The following CLIP2 variants were observed in gnomAD, a reference collection of about 807,000 sequenced individuals.
CLIP2 encodes the protein CAP-Gly domain-containing linker protein 2.
A neutral mutation model predicts 111.7 loss-of-function variants in CLIP2; 41 were observed. The ratio of observed to expected loss-of-function variants is 0.37; its 90% CI spans 0.29 to 0.48. The LOEUF (loss-of-function observed/expected upper bound fraction) is 0.48. Among genes scored for constraint, CLIP2 ranks in the 20% least tolerant of loss-of-function variants. The pLI is 0.99. For synonymous variants in CLIP2, 660 were observed against 644.2 expected, an observed-to-expected ratio of 1.02 and a Z score of -0.37; for missense variants, 1,160 against 1,422.1, an observed-to-expected ratio of 0.82 and a Z score of 2.96.
intron 3 of CLIP2, among the ~76,000 whole-genome samples, chr7:74,340,574 G>A (rs1789631030): frequency 6.6e-6 from 1 of 152,126 alleles, no homozygotes; most frequent in Non-Finnish European, 1.5e-5. Flanking sequence ...CCCAGCTGTT[G>A]GGGCCAGGTT....
rs1791748729 is a variant in CLIP2 at position 74,405,480 on chromosome 7, C to G, written c.*1632C>G. The G allele has an allele frequency of 6.5e-6, 1 of 152,952 alleles. No homozygotes were observed. Among genetic ancestry groups the G allele is most frequent in the South Asian group, 2.1e-4 (1 of 4,836 alleles). The allele number at this position is 152,952 out of a possible 1,614,324, so 9.5% of individuals were successfully genotyped here. On this transcript the variant is annotated 3_prime_UTR_variant, in exon 17 of 17. Coordinates refer to ENST00000223398, the MANE Select transcript of CLIP2 (RefSeq NM_003388.5). ...GCTCACGTTCCTGCCCAAATGCAGC[C>G]CATCGGGGAGTCACAGTCAGTCCCC... is the stretch of plus-strand genomic sequence containing the variant.
intron 1 of CLIP2, among the ~76,000 whole-genome samples, chr7:74,306,073 G>A (rs1222537438): frequency 6.6e-6 from 1 of 152,114 alleles, no homozygotes; most frequent in Non-Finnish European, 1.5e-5. Flanking sequence ...AGATCCTTGG[G>A]TGTTGGGTGG....
chr7:74,398,096 C>T (rs1270565764), intron 14 of CLIP2, among the ~76,000 whole-genome samples: 2 of 151,636 alleles, frequency 1.3e-5, no homozygotes, highest in Admixed American at 6.6e-5. Context: ...CAATGGCTCA[C>T]ACCTGTAATC....
chr7:74,356,418 A>G lies in CLIP2; in HGVS notation c.812A>G (p.Gln271Arg). The stretch of plus-strand genomic sequence containing the variant: ...CTCTCCTGCTTCCACAGGTACTTCC[A>G]GTGCCCACCCAAGTTTGGTCTCTTC... ...DGAVAGTRYF[Q>R]CPPKFGLFAP... The change falls in exon 5 of 17, where the codon CAG becomes CGG. Residue 271 changes from glutamine to arginine, a missense_variant. Coordinates refer to ENST00000223398, the MANE Select transcript of CLIP2 (RefSeq NM_003388.5). The G allele has an allele frequency of 6.2e-7, 1 of 1,614,164 alleles. No homozygotes were observed. The highest frequency in any genetic ancestry group is 8.5e-7 in the Non-Finnish European group (1 of 1,180,028).
At chr7:74,309,826 CAAAA>C (rs34735020) in intron 1 of CLIP2, among the ~76,000 whole-genome samples, 2 of 128,090 alleles carry the variant, frequency 1.6e-5, no homozygotes, top group Non-Finnish European at 3.2e-5. Flanking sequence ...GACTCCATCT[CAAAA>C]AAAAAAAAAA....
intron 2 of CLIP2, among the ~76,000 whole-genome samples, chr7:74,324,126 G>A (rs1789049830): frequency 6.6e-6 from 1 of 152,116 alleles, no homozygotes; most frequent in Non-Finnish European, 1.5e-5. Context: ...CCAAGTAGCT[G>A]GGATTACAGG....
intron 5 of CLIP2, 151 bp downstream of exon 5, chr7:74,356,774 G>C: frequency 1.4e-6 from 1 of 711,266 alleles, no homozygotes; most frequent in Non-Finnish European, 2.3e-6. Flanking sequence ...CTTTTAATAG[G>C]GAAAATTGAG....
intron 1 of CLIP2, among the ~76,000 whole-genome samples, chr7:74,308,632 G>A (rs1788558791): frequency 6.6e-6 from 1 of 152,044 alleles, no homozygotes; most frequent in Non-Finnish European, 1.5e-5. Context: ...CACCTCCCAA[G>A]TAGCTGGAAC....
chr7:74,311,257 G>C (rs782037078), intron 1 of CLIP2, among the ~76,000 whole-genome samples: 1 of 152,184 alleles, frequency 6.6e-6, no homozygotes, highest in Non-Finnish European at 1.5e-5. Flanking sequence ...GGGATTACAG[G>C]CATGAGCCAC....
intron 1 of CLIP2, among the ~76,000 whole-genome samples, chr7:74,303,731 G>A (rs1398292434): frequency 2.0e-5 from 3 of 151,478 alleles, no homozygotes; most frequent in African/African-American, 7.3e-5. Context: ...GGCCAACATG[G>A]TGAAACCCCG....
chr7:74,372,956 C>G lies in CLIP2; in HGVS notation c.1405C>G (p.Arg469Gly). Residue 469 changes from arginine (R) to glycine (G), a missense_variant, in exon 9 of 17, where the codon CGC (arginine) becomes GGC (glycine). Arg to Gly is a moderately radical substitution (Grantham distance 125, BLOSUM62 -2). Coordinates refer to ENST00000223398, the MANE Select transcript of CLIP2 (RefSeq NM_003388.5). Reference protein sequence around the residue: ...LETQTQLEHARIGELEQSLLL... With the variant: ...LETQTQLEHAGIGELEQSLLL... ...GACCCAGACGCAGCTGGAGCACGCG[C>G]GCATTGGGGAGCTGGAACAGAGCCT... 6.3e-7 allele frequency: 1 copy of G among 1,593,396 alleles called. No homozygotes were observed. The highest frequency in any genetic ancestry group is 8.5e-7 in the Non-Finnish European group (1 of 1,173,082).
At chr7:74,291,663 G>A (rs1788023356) in intron 1 of CLIP2, among the ~76,000 whole-genome samples, 1 of 152,210 alleles carries the variant, frequency 6.6e-6, no homozygotes, top group Admixed American at 6.5e-5. Context: ...ACACGTTTCA[G>A]GGAGAGGAGG....
chr7:74,333,991 A>G (rs1789374669), intron 2 of CLIP2, among the ~76,000 whole-genome samples: 2 of 152,192 alleles, frequency 1.3e-5, no homozygotes, highest in African/African-American at 4.8e-5. Flanking sequence ...TCGTATATAC[A>G]TTGGCTCCCC....
chr7:74,376,076 G>C lies in CLIP2; in HGVS notation c.1675G>C (p.Glu559Gln). ...LLSASKEHQR[E>Q]SGVLRDKYEK... ...CTCGGCCAGCAAGGAACACCAGAGG[G>C]AGAGTGGGGTGCTGCGGGATAAATA... Residue 559 changes from glutamate (E) to glutamine (Q), a missense_variant, in exon 10 of 17, where the codon GAG becomes CAG. This residue lies in a region of CLIP2 where 676 missense variants were observed against 777.8 expected (regional missense o/e 0.87). Coordinates refer to ENST00000223398, the MANE Select transcript of CLIP2 (RefSeq NM_003388.5). This position sits in a 1 kb window ranked among gnomAD's most constrained non-coding sequence, Gnocchi z 7.1. The C allele has an allele frequency of 1.2e-6, 2 of 1,612,918 alleles. No homozygotes were observed. The highest frequency in any genetic ancestry group is 1.7e-6 in the Non-Finnish European group (2 of 1,179,852).
intron 1 of CLIP2, among the ~76,000 whole-genome samples, chr7:74,310,032 T>A: frequency 1.7e-5 from 1 of 57,166 alleles, no homozygotes; most frequent in Non-Finnish European, 3.1e-5. Flanking sequence ...AGACCCTGTC[T>A]CTACAAAAAA....
chr7:74,365,384 G>A (rs1790450569), intron 8 of CLIP2, among the ~76,000 whole-genome samples: 1 of 152,162 alleles, frequency 6.6e-6, no homozygotes, highest in Non-Finnish European at 1.5e-5. Context: ...GCCCATCCAT[G>A]TGCCCCTTAC....
chr7:74,351,426 C>CAA (rs55952428), intron 3 of CLIP2, among the ~76,000 whole-genome samples: 262 of 65,676 alleles, frequency 4.0e-3, no homozygotes, highest in South Asian at 0.013. Flanking sequence ...ATTCCAGTGT[C>CAA]AAAAAAAAAA....
Position 74,397,119 on chromosome 7 carries a change from C to T in CLIP2, c.2766C>T (p.His922=). 1 of 1,613,876 alleles carries T rather than the reference C, an allele frequency of 6.2e-7. No individual in the cohort carries two copies. Among genetic ancestry groups the T allele is most frequent in the Non-Finnish European group, 8.5e-7 (1 of 1,179,950 alleles). ...LRVLLLEANR[H]SPGPERDLSR... is the part of the protein sequence containing the mutation. The stretch of plus-strand genomic sequence containing the variant: ...TGTTGCTGCTGGAGGCCAATCGTCA[C>T]TCCCCAGGGCCGGAGAGGGACCTGA... The change falls in exon 14 of 17, where the codon CAC becomes CAT. Residue 922 remains histidine (H), a synonymous_variant. Coordinates refer to ENST00000223398, the MANE Select transcript of CLIP2 (RefSeq NM_003388.5).
At chr7:74,300,790 C>T (rs114756308) in intron 1 of CLIP2, among the ~76,000 whole-genome samples, 61 of 152,274 alleles carry the variant, frequency 4.0e-4, no homozygotes, top group African/African-American at 1.4e-3. Flanking sequence ...AGTGGCATTC[C>T]GTGGTAGACA....
Sources: gnomAD v4.1 joint callset for allele counts (sites outside exome capture counted in the v4.1 genomes callset) on GRCh38, gnomAD v4.1.1 for gene constraint, gnomAD v4.1.1 regional missense constraint, Gnocchi (gnomAD v3.1) non-coding constraint, MANE v1.5 for transcripts, NCBI Gene and HGNC (gene_info 2026-07-23, HGNC 2026-07-21) for gene names.